RIMS2: variants seen among roughly 807,000 people sequenced by gnomAD.
RIMS2 encodes regulating synaptic membrane exocytosis protein 2.
In RIMS2, 59 loss-of-function variants were observed where a neutral mutation model predicts 174.4. The observed-to-expected ratio is 0.34, with a 90% confidence interval of 0.27 to 0.42. RIMS2 has a LOEUF of 0.42. Ranked by LOEUF, RIMS2 falls within the 10% of genes least tolerant of loss-of-function variation. RIMS2 has a pLI of 1.00. For synonymous variants in RIMS2, 606 were observed against 572.5 expected (o/e 1.06, Z -0.84); for missense variants, 1,620 against 1,666.3 (o/e 0.97, Z 0.48).
chr8:103,571,085 T>A (rs1342660325), intron 1 of RIMS2, among the ~76,000 whole-genome samples: 1 of 152,184 alleles, frequency 6.6e-6, no homozygotes, highest in East Asian at 1.9e-4. Context: ...TCTGTTATGA[T>A]CTGCCATCAA....
intron 19 of RIMS2, among the ~76,000 whole-genome samples, chr8:104,036,574 G>A (rs2096522919): frequency 6.6e-6 from 1 of 151,888 alleles, no homozygotes; most frequent in Non-Finnish European, 1.5e-5. Context: ...AAATAGGAAG[G>A]CATTTAAAAA....
chr8:103,572,308 C>G (rs368732886), intron 1 of RIMS2, among the ~76,000 whole-genome samples: 1 of 152,268 alleles, frequency 6.6e-6, no homozygotes, highest in Non-Finnish European at 1.5e-5. Flanking sequence ...GCTGCTGGCT[C>G]GGGTGGCCAG....
At chr8:104,100,665 C>T (rs1219106211) in intron 19 of RIMS2, among the ~76,000 whole-genome samples, 1 of 151,220 alleles carries the variant, frequency 6.6e-6, no homozygotes, top group Non-Finnish European at 1.5e-5. Context: ...ATTATTATCT[C>T]TCTTAAAGAA....
intron 3 of RIMS2, among the ~76,000 whole-genome samples, chr8:103,779,440 T>C (rs530056670): frequency 6.6e-6 from 1 of 152,054 alleles, no homozygotes; most frequent in Non-Finnish European, 1.5e-5. Context: ...AAAGATAGGA[T>C]TCTAGTTTCA....
At chr8:103,967,545 T>G (rs1343289807) in intron 15 of RIMS2, among the ~76,000 whole-genome samples, 1 of 151,840 alleles carries the variant, frequency 6.6e-6, no homozygotes, top group Non-Finnish European at 1.5e-5. Flanking sequence ...CAGGCTGGAA[T>G]GCAGTGGTGC....
At chr8:103,835,344 G>T (rs994361209) in intron 3 of RIMS2, among the ~76,000 whole-genome samples, 10 of 151,758 alleles carry the variant, frequency 6.6e-5, no homozygotes, top group Non-Finnish European at 1.2e-4. Context: ...CTTGTGATCT[G>T]CCTGACTCAG....
intron 20 of RIMS2, among the ~76,000 whole-genome samples, chr8:104,247,112 G>C (rs2099338086): frequency 6.6e-6 from 1 of 152,136 alleles, no homozygotes; most frequent in African/African-American, 2.4e-5. Context: ...GCATTAGTGA[G>C]GTCAGATTCT....
In RIMS2 at chr8:103,559,392, G is replaced by A. The variant is rs1241649316; in HGVS notation, c.176+58330G>A. ...GAGCTGGTGTCCACGGCTGCTTCAC[G>A]GTGGAGCATGCCAGTGATCCGATGC... is the stretch of plus-strand genomic sequence containing the variant. On this transcript the variant is annotated intron_variant, in intron 1 of 23. Coordinates refer to ENST00000504942, the Ensembl canonical transcript of RIMS2. 13 of 346,494 alleles carry A rather than the reference G, an allele frequency of 3.8e-5. 1 individual carries two copies. Among genetic ancestry groups the A allele is most frequent in the African/African-American group, 1.4e-4 (6 of 43,822 alleles). The allele number at this position is 346,494 out of a possible 1,614,324, so 21.5% of individuals were successfully genotyped here. A position where few individuals can be genotyped will look rare whatever the true frequency, so the allele number is the denominator to read the frequency against.
intron 1 of RIMS2, among the ~76,000 whole-genome samples, chr8:103,580,848 GA>G (rs2093573534): frequency 3.1e-5 from 1 of 31,750 alleles, no homozygotes; most frequent in East Asian, 1.7e-3. Flanking sequence ...TTTTTTTTTT[GA>G]GACAGAGTCT....
At chr8:103,920,947 C>G (rs1313005917) in intron 9 of RIMS2, 1 of 299,102 alleles carries the variant, frequency 3.3e-6, no homozygotes, top group East Asian at 1.1e-4. Context: ...TGCAGTGAGC[C>G]GAGATCACGC....
At chr8:103,856,234 G>T (rs550312903) in intron 3 of RIMS2, among the ~76,000 whole-genome samples, 1 of 152,128 alleles carries the variant, frequency 6.6e-6, no homozygotes, top group East Asian at 1.9e-4. Context: ...TTTTCCATTT[G>T]GGTGGTAAAT....
At chr8:103,679,258 AG>A (rs1272679431) in intron 1 of RIMS2, among the ~76,000 whole-genome samples, 1 of 152,014 alleles carries the variant, frequency 6.6e-6, no homozygotes, top group Non-Finnish European at 1.5e-5. Context: ...TTATCTTATG[AG>A]GAGCTCTTAA....
intron 2 of RIMS2, among the ~76,000 whole-genome samples, chr8:103,760,701 C>T (rs2098101957): frequency 6.6e-6 from 1 of 152,168 alleles, no homozygotes; most frequent in East Asian, 1.9e-4. Flanking sequence ...GGTGGGACTG[C>T]ATTCCTTTTG....
At chr8:104,083,008 C>A (rs1039130738) in intron 19 of RIMS2, among the ~76,000 whole-genome samples, 1 of 152,102 alleles carries the variant, frequency 6.6e-6, no homozygotes, top group Admixed American at 6.6e-5. Context: ...AATTGTTAGT[C>A]TTTGTCCCTG....
At chr8:103,573,045 T>C (rs1450738499) in intron 1 of RIMS2, among the ~76,000 whole-genome samples, 1 of 151,114 alleles carries the variant, frequency 6.6e-6, no homozygotes, top group Non-Finnish European at 1.5e-5. Flanking sequence ...GCCTTACCCC[T>C]ACATTTAAGT....
intron 19 of RIMS2, chr8:104,223,630 GA>G (rs1299591165): frequency 1.3e-6 from 2 of 1,583,644 alleles, no homozygotes; most frequent in Admixed American, 1.7e-5. Context: ...TGTACCGCGG[GA>G]AAAGCGGGTC....
At chr8:104,029,972 G>A (rs1034511704) in intron 19 of RIMS2, among the ~76,000 whole-genome samples, 2 of 151,958 alleles carry the variant, frequency 1.3e-5, no homozygotes, top group Admixed American at 6.6e-5. Context: ...TTGCATTACC[G>A]CAGATTAATG....
chr8:103,512,119 A>G (rs1301999741), intron 1 of RIMS2, among the ~76,000 whole-genome samples: 1 of 152,178 alleles, frequency 6.6e-6, no homozygotes, highest in Non-Finnish European at 1.5e-5. Flanking sequence ...ACTTGCTAAG[A>G]GGTTGAGTAA....
At chr8:103,858,671 A>G (rs889969879) in intron 3 of RIMS2, among the ~76,000 whole-genome samples, 2 of 150,084 alleles carry the variant, frequency 1.3e-5, no homozygotes, top group African/African-American at 4.9e-5. Context: ...CCATATATAT[A>G]TATACGTGTG....
Sources: allele counts gnomAD v4.1 joint callset (sites outside exome capture counted in the v4.1 genomes callset), GRCh38; gene constraint gnomAD v4.1.1; transcripts MANE v1.5; gene names NCBI Gene and HGNC (gene_info 2026-07-23, HGNC 2026-07-21).